SIPA1L1: variants seen among roughly 807,000 people sequenced by gnomAD.
The protein encoded by SIPA1L1 is signal induced proliferation associated 1 like 1.
In SIPA1L1, 26 loss-of-function variants were observed where a neutral mutation model predicts 162.7. The observed-to-expected ratio is 0.16, with a 90% CI of 0.12 to 0.22. SIPA1L1 has a LOEUF of 0.22. Ranked by LOEUF, SIPA1L1 falls within the 10% of genes least tolerant of loss-of-function variation. The pLI, the probability that SIPA1L1 is intolerant of heterozygous loss-of-function variation, is 1.00. For missense variants in SIPA1L1, 1,874 were observed against 2,241.0 expected (o/e 0.84, Z 3.31); for synonymous variants, 829 against 837.4 (o/e 0.99, Z 0.17).
chr14:71,551,365 A>G (rs2055813882), intron 4 of SIPA1L1, among the ~76,000 whole-genome samples: 1 of 152,170 alleles, frequency 6.6e-6, no homozygotes, highest in Non-Finnish European at 1.5e-5. Context: ...TAGTCTCCCT[A>G]TTTATAGTCC....
intron 1 of SIPA1L1, among the ~76,000 whole-genome samples, chr14:71,320,711 C>G (rs1046844755): frequency 7.3e-5 from 11 of 150,888 alleles, no homozygotes; most frequent in East Asian, 4.0e-4. Context: ...CATCCCCCCC[C>G]CGGCAACCTC....
intron 2 of SIPA1L1, among the ~76,000 whole-genome samples, chr14:71,348,743 G>A (rs1045713223): frequency 6.6e-6 from 1 of 152,190 alleles, no homozygotes; most frequent in Non-Finnish European, 1.5e-5. Flanking sequence ...GGATTTCAGA[G>A]TAATTCACTC....
chr14:71,349,821 A>AT (rs973663462), intron 2 of SIPA1L1, among the ~76,000 whole-genome samples: 1 of 152,154 alleles, frequency 6.6e-6, no homozygotes, highest in African/African-American at 2.4e-5. Flanking sequence ...CCTTGCACAT[A>AT]TTTTTTGATG....
intron 13 of SIPA1L1, among the ~76,000 whole-genome samples, chr14:71,689,314 A>G (rs2081088001): frequency 6.6e-6 from 1 of 152,242 alleles, no homozygotes; most frequent in South Asian, 2.1e-4. Context: ...TGGTTTAAAT[A>G]TATGAGTTTT....
At chr14:71,322,936 G>A (rs1329363015) in intron 2 of SIPA1L1, among the ~76,000 whole-genome samples, 1 of 152,200 alleles carries the variant, frequency 6.6e-6, no homozygotes, top group African/African-American at 2.4e-5. Flanking sequence ...TGAAGTATCA[G>A]TCAGTGATAG....
In SIPA1L1 at chr14:71,583,612, C is replaced by T. The variant is rs529208984; in HGVS notation, c.-302-3959C>T. Among the ~76,000 whole-genome samples, 251 of 152,100 alleles carry T rather than the reference C, an allele frequency of 1.7e-3. 2 individuals carry two copies. The highest frequency in any genetic ancestry group is 0.01 in the Middle Eastern group (3 of 294). ...TAAACTGCTCTTTATGCCCTTGGCA[C>T]GATGTTGTTTCTTTCATTCTATTCC... On this transcript the variant is annotated intron_variant, in intron 4 of 23. Coordinates refer to ENST00000381232, the MANE Select transcript of SIPA1L1 (RefSeq NM_001386936.1).
At chr14:71,357,949 C>T (rs1269259225) in intron 2 of SIPA1L1, among the ~76,000 whole-genome samples, 1 of 152,100 alleles carries the variant, frequency 6.6e-6, no homozygotes, top group Non-Finnish European at 1.5e-5. Context: ...CCAGGTTGGT[C>T]TCGAACTCCT....
At chr14:71,670,068 A>C (rs949434212) in intron 10 of SIPA1L1, among the ~76,000 whole-genome samples, 3 of 152,134 alleles carry the variant, frequency 2.0e-5, no homozygotes, top group Non-Finnish European at 4.4e-5. Flanking sequence ...TGTTTCCCTA[A>C]TACTAAGTAT....
intron 3 of SIPA1L1, among the ~76,000 whole-genome samples, chr14:71,518,582 G>A (rs2051977338): frequency 6.6e-6 from 1 of 152,066 alleles, no homozygotes; most frequent in South Asian, 2.1e-4. Context: ...AGCTTGTGAA[G>A]TTTTTTTCTT....
rs532333096 is a variant in SIPA1L1, at chr14:71,625,369, A to G, written c.1818+1133A>G. On this transcript the variant is annotated intron_variant, in intron 7 of 23. Transcript: ENST00000381232. Reference sequence around the variant, plus strand: ...AGGCGGAGTGCAGTGGCGCAATCTCAGCTCACTGCAACCTCTGCCTCCCAG... The same window carrying G: ...AGGCGGAGTGCAGTGGCGCAATCTCGGCTCACTGCAACCTCTGCCTCCCAG... Among the ~76,000 whole-genome samples, 97 of 149,080 alleles carry G rather than the reference A, an allele frequency of 6.5e-4. 1 individual carries two copies. The highest frequency in any genetic ancestry group is 2.3e-3 in the South Asian group (11 of 4,744).
chr14:71,685,315 A>G (rs764325375), intron 12 of SIPA1L1, 47 bp from the exon 13 acceptor site: 8 of 1,596,152 alleles, frequency 5.0e-6, no homozygotes, highest in East Asian at 2.2e-5. Context: ...CACCAGCAAG[A>G]AAAAGCAGTA....
intron 2 of SIPA1L1, among the ~76,000 whole-genome samples, chr14:71,408,028 A>G (rs1296577167): frequency 6.6e-6 from 1 of 152,228 alleles, no homozygotes; most frequent in Admixed American, 6.5e-5. Context: ...AGTGCTGATC[A>G]TGAGATTTTT....
intron 2 of SIPA1L1, among the ~76,000 whole-genome samples, chr14:71,463,463 C>T (rs2046760912): frequency 6.6e-6 from 1 of 152,128 alleles, no homozygotes; most frequent in Admixed American, 6.5e-5. Context: ...TTTTGGGTCC[C>T]CTGGAATCAG....
At chr14:71,636,732 G>A (rs769727809) in intron 7 of SIPA1L1, among the ~76,000 whole-genome samples, 63 of 152,240 alleles carry the variant, frequency 4.1e-4, no homozygotes, top group Admixed American at 1.4e-3. Context: ...AACATTTGAG[G>A]AAATTAATGA....
intron 2 of SIPA1L1, among the ~76,000 whole-genome samples, chr14:71,427,992 A>AT (rs573721948): frequency 1.7e-3 from 255 of 151,166 alleles, no homozygotes; most frequent in African/African-American, 5.8e-3. Flanking sequence ...TGGACACTTT[A>AT]TTTTTTTATT....
At chr14:71,347,951 C>A (rs1047781322) in intron 2 of SIPA1L1, among the ~76,000 whole-genome samples, 34 of 152,088 alleles carry the variant, frequency 2.2e-4, no homozygotes, top group Middle Eastern at 3.4e-3. Flanking sequence ...TTCAGGAGGC[C>A]AGACTTTAAG....
intron 3 of SIPA1L1, among the ~76,000 whole-genome samples, chr14:71,527,301 C>G (rs1360094696): frequency 3.3e-5 from 5 of 152,116 alleles, no homozygotes; most frequent in Non-Finnish European, 7.4e-5. Flanking sequence ...GCGCACACCA[C>G]CATGCCTAGC....
At chr14:71,366,520 G>A (rs140274171) in intron 2 of SIPA1L1, among the ~76,000 whole-genome samples, 2 of 152,162 alleles carry the variant, frequency 1.3e-5, no homozygotes, top group Admixed American at 6.5e-5. Context: ...TGCAAACTCC[G>A]TCTCCTGGGT....
chr14:71,698,017 G>T lies in SIPA1L1; in HGVS notation c.3375-964G>T, dbSNP rs112464101. On this transcript the variant is annotated intron_variant, in intron 13 of 23. Coordinates refer to ENST00000381232, the MANE Select transcript of SIPA1L1 (RefSeq NM_001386936.1). ...GAGTGCAGTGGGCTTAGAGTCTAGA[G>T]ACCTGACTTGTTGTGAACTTGAACA... Among the ~76,000 whole-genome samples, 870 of 152,172 alleles carry T rather than the reference G, an allele frequency of 5.7e-3. 15 individuals are homozygous for T. Among genetic ancestry groups the T allele is most frequent in the African/African-American group, 0.02 (818 of 41,506 alleles).
Sources: allele counts gnomAD v4.1 joint callset (sites outside exome capture counted in the v4.1 genomes callset), GRCh38; gene constraint gnomAD v4.1.1; transcripts MANE v1.5; gene names NCBI Gene and HGNC (gene_info 2026-07-23, HGNC 2026-07-21).